The following GPC3 variants were observed in gnomAD, a reference collection of about 807,000 sequenced individuals.
GPC3 encodes the protein glypican-3.
Under a neutral mutation model 34.4 loss-of-function variants are expected in GPC3, and 3 were observed. That is an observed-to-expected ratio of 0.09 (90% confidence interval 0.04 to 0.23). GPC3 has a LOEUF of 0.23. Ranked by LOEUF, GPC3 falls within the 10% of genes least tolerant of loss-of-function variation. The probability of loss-of-function intolerance (pLI) is 1.00; values close to 1 mark genes in which losing one functional copy is unlikely to be tolerated. For missense variants in GPC3, 351 were observed against 445.6 expected, an observed-to-expected ratio of 0.79 and a Z score of 1.91; for synonymous variants, 177 against 174.0, an observed-to-expected ratio of 1.02 and a Z score of -0.13.
At chrX:133,958,400 A>G (rs2076425739) in intron 1 of GPC3, among the ~76,000 whole-genome samples, 1 of 108,592 alleles carries the variant, frequency 9.2e-6, no homozygotes, top group African/African-American at 3.4e-5. Flanking sequence ...TTTTAATGTA[A>G]CTAGGCATGG....
rs746790689 is a variant in GPC3 at position 133,952,546 on chromosome X, C to T, written c.337+504G>A. Among the ~76,000 whole-genome samples the T allele has an allele frequency of 2.7e-5, 3 of 112,116 alleles. No homozygotes were observed. The East Asian group carries it at 8.5e-4, about 32-fold the overall frequency. ...CACAACAGCTTCTCTTGCAATCATTCACAGGCATGGTAAGAAGTGAGAGTC... is the reference window on the plus strand; with the variant it reads ...CACAACAGCTTCTCTTGCAATCATTTACAGGCATGGTAAGAAGTGAGAGTC... On this transcript the variant is annotated intron_variant, in intron 2 of 7. Transcript: ENST00000370818.
chrX:133,892,594 GT>G (rs777575667), intron 2 of GPC3, among the ~76,000 whole-genome samples: 4 of 108,616 alleles, frequency 3.7e-5, no homozygotes, highest in Non-Finnish European at 7.7e-5. Context: ...TTTGTTTTTT[GT>G]TTTTTTTTAA....
intron 2 of GPC3, among the ~76,000 whole-genome samples, chrX:133,799,256 G>A (rs1489394701): frequency 9.0e-6 from 1 of 111,705 alleles, no homozygotes; most frequent in Non-Finnish European, 1.9e-5. Context: ...GCTGGAAGTG[G>A]TAATGCATGC....
intron 7 of GPC3, among the ~76,000 whole-genome samples, chrX:133,594,727 T>A (rs2124328784): frequency 9.1e-6 from 1 of 109,830 alleles, no homozygotes; most frequent in African/African-American, 3.3e-5. Context: ...AAATAAGGAG[T>A]TGCTGTTCAA....
intron 6 of GPC3, among the ~76,000 whole-genome samples, chrX:133,648,437 T>C (rs930437053): frequency 1.8e-5 from 2 of 111,664 alleles, no homozygotes; most frequent in African/African-American, 6.5e-5. Flanking sequence ...GGTAATGAAT[T>C]TGAATAACAA....
chrX:133,578,674 G>A (rs1040467722), intron 7 of GPC3, among the ~76,000 whole-genome samples: 8 of 111,863 alleles, frequency 7.2e-5, no homozygotes, highest in Non-Finnish European at 1.5e-4. Context: ...GGGAGACCCT[G>A]TCTCAAAACA....
chrX:133,548,743 A>G (rs1296434645), intron 7 of GPC3, among the ~76,000 whole-genome samples: 3 of 111,279 alleles, frequency 2.7e-5, no homozygotes, highest in East Asian at 5.7e-4. Flanking sequence ...GTGGGAGGTA[A>G]TTGAATCACG....
At chrX:133,824,777 A>T (rs1373494876) in intron 2 of GPC3, among the ~76,000 whole-genome samples, 1 of 111,710 alleles carries the variant, frequency 9.0e-6, no homozygotes, top group Non-Finnish European at 1.9e-5. Flanking sequence ...ATTTAAAATT[A>T]AAAAAAAAGT....
chrX:133,740,863 T>TTTTG (rs761032289), intron 3 of GPC3, among the ~76,000 whole-genome samples: 4,173 of 110,995 alleles, frequency 0.038, 213 homozygotes, highest in African/African-American at 0.13. Flanking sequence ...TGTGTGGGTT[T>TTTTG]TTTGTTTGTT....
In GPC3 at chrX:133,608,591, C is replaced by T. The variant is rs189705248; in HGVS notation, c.1414-11992G>A. Among the ~76,000 whole-genome samples the T allele has an allele frequency of 3.6e-5, 4 of 112,097 alleles. No homozygotes were observed. The East Asian group carries it at 1.1e-3, about 32-fold the overall frequency. ...TTTTGGGAAATGAGAATTCTTGCCT[C>T]TAAAAATAACATCTGTGTATGAACC... On this transcript the variant is annotated intron_variant, in intron 6 of 7. Transcript: ENST00000370818.
At chrX:133,819,406 C>A (rs2075708418) in intron 2 of GPC3, among the ~76,000 whole-genome samples, 1 of 109,433 alleles carries the variant, frequency 9.1e-6, no homozygotes, top group African/African-American at 3.3e-5. Context: ...CAATCTTTGA[C>A]ATAGAGTACA....
At chrX:133,661,623 TCTCTCTCTCTCC>T (rs2070724487) in intron 6 of GPC3, 95 bp downstream of exon 6, 2 of 19,457 alleles carry the variant, frequency 1.0e-4, no homozygotes, top group African/African-American at 8.8e-4. Context: ...TCTCTCTCTC[TCTCTCTCTCTCC>T]CCCCCCCCTC....
At chrX:133,938,232 A>G (rs2076330815) in intron 2 of GPC3, among the ~76,000 whole-genome samples, 1 of 112,159 alleles carries the variant, frequency 8.9e-6, no homozygotes, top group Non-Finnish European at 1.9e-5. Context: ...TATTCCTCAC[A>G]AAAACCATGT....
At chrX:133,843,372 C>T (rs1398462690) in intron 2 of GPC3, among the ~76,000 whole-genome samples, 1 of 111,108 alleles carries the variant, frequency 9.0e-6, no homozygotes, top group Non-Finnish European at 1.9e-5. Flanking sequence ...TTAAAAGAGC[C>T]TGACACCTCT....
chrX:133,816,199 C>T (rs954000429), intron 2 of GPC3, among the ~76,000 whole-genome samples: 1 of 110,613 alleles, frequency 9.0e-6, no homozygotes, highest in Non-Finnish European at 1.9e-5. Flanking sequence ...TACAGCTGAA[C>T]GTGCCACCAT....
At chrX:133,811,426 T>C (rs2075665071) in intron 2 of GPC3, among the ~76,000 whole-genome samples, 1 of 111,714 alleles carries the variant, frequency 9.0e-6, no homozygotes, top group African/African-American at 3.3e-5. Flanking sequence ...GGGCTGTTTT[T>C]TGTTTTTTTG....
chrX:133,664,679 C>G (rs998170652), intron 5 of GPC3, among the ~76,000 whole-genome samples: 4 of 111,068 alleles, frequency 3.6e-5, no homozygotes, highest in Non-Finnish European at 7.5e-5. Flanking sequence ...GGGAAAGGAA[C>G]ACTTTTTGTA....
At chrX:133,934,967 C>T (rs1237854911) in intron 2 of GPC3, among the ~76,000 whole-genome samples, 2 of 111,702 alleles carry the variant, frequency 1.8e-5, no homozygotes, top group African/African-American at 6.5e-5. Flanking sequence ...AAATGTCTAG[C>T]TCTTCCATTT....
chrX:133,864,635 A>G, intron 2 of GPC3, among the ~76,000 whole-genome samples: 1 of 112,490 alleles, frequency 8.9e-6, no homozygotes. Context: ...GATTGGCTGT[A>G]TTTCCCAATT....
Sources: gnomAD v4.1 joint callset for allele counts (sites outside exome capture counted in the v4.1 genomes callset) on GRCh38, gnomAD v4.1.1 for gene constraint, MANE v1.5 for transcripts, NCBI Gene and HGNC (gene_info 2026-07-23, HGNC 2026-07-21) for gene names.